RNF145: variants seen among roughly 807,000 people sequenced by gnomAD.
RNF145 encodes the protein ring finger protein 145.
In RNF145, 12 loss-of-function variants were observed where a neutral mutation model predicts 57.3. The observed-to-expected ratio is 0.21, with a 90% CI of 0.13 to 0.34. The LOEUF is 0.34. Ranked by LOEUF, RNF145 falls within the 10% of genes least tolerant of loss-of-function variation. The pLI is 1.00. For missense variants in RNF145, 429 were observed against 799.0 expected (o/e 0.54, Z 5.58); for synonymous variants, 262 against 288.3 (o/e 0.91, Z 0.92).
chr5:159,174,143 C>CAT lies in RNF145; in HGVS notation c.635_636dup (p.Gly213MetfsTer15), dbSNP rs1453936703. ...AGGGACATTCCCAAGGCGAGAAGGC[C>CAT]ATATACCTCCACTACCTAAATAAAA... On this transcript the variant is annotated frameshift_variant, in exon 6 of 11. Coordinates refer to ENST00000424310, the MANE Select transcript of RNF145 (RefSeq NM_001199383.2). LOFTEE classifies it high-confidence loss of function. 1 of 1,608,338 alleles carries CAT rather than the reference C, an allele frequency of 6.2e-7. No individual in the cohort carries two copies. The highest frequency in any genetic ancestry group is 8.5e-7 in the Non-Finnish European group (1 of 1,177,662).
intron 3 of RNF145, among the ~76,000 whole-genome samples, chr5:159,190,229 TCACCATGTTGC>T (rs1236859070): frequency 2.6e-5 from 4 of 152,154 alleles, no homozygotes; most frequent in Admixed American, 2.0e-4. Context: ...AGAAGGGGTT[TCACCATGTTGC>T]CCAGGCTGGT....
intron 3 of RNF145, among the ~76,000 whole-genome samples, chr5:159,190,236 G>A (rs1785241295): frequency 6.6e-6 from 1 of 152,120 alleles, no homozygotes; most frequent in South Asian, 2.1e-4. Flanking sequence ...GTTTCACCAT[G>A]TTGCCCAGGC....
intron 1 of RNF145, among the ~76,000 whole-genome samples, chr5:159,204,014 T>G (rs1033109043): frequency 5.9e-5 from 9 of 152,236 alleles, no homozygotes; most frequent in African/African-American, 2.2e-4. Flanking sequence ...AACTATGATT[T>G]ATGTAGCTCA....
At chr5:159,186,757 AT>A (rs1386575275) in intron 3 of RNF145, among the ~76,000 whole-genome samples, 1 of 152,168 alleles carries the variant, frequency 6.6e-6, no homozygotes, top group African/African-American at 2.4e-5. Flanking sequence ...GAGTGCCTGT[AT>A]TTGATAATGT....
intron 7 of RNF145, among the ~76,000 whole-genome samples, chr5:159,169,262 G>A (rs1345810819): frequency 1.3e-5 from 2 of 152,118 alleles, no homozygotes; most frequent in Non-Finnish European, 2.9e-5. Flanking sequence ...AGGCATAATA[G>A]CTATTACTTT....
At chr5:159,165,264 C>G (rs1436261310) in intron 8 of RNF145, among the ~76,000 whole-genome samples, 1 of 152,192 alleles carries the variant, frequency 6.6e-6, no homozygotes, top group African/African-American at 2.4e-5. Context: ...GCCCCTCTGC[C>G]CCACGAAACC....
intron 3 of RNF145, among the ~76,000 whole-genome samples, chr5:159,186,438 C>T (rs1384055987): frequency 6.6e-6 from 1 of 152,204 alleles, no homozygotes; most frequent in African/African-American, 2.4e-5. Flanking sequence ...ACAACTTGTA[C>T]ATTCTGGCTA....
intron 3 of RNF145, among the ~76,000 whole-genome samples, chr5:159,182,328 G>C (rs997600696): frequency 6.6e-6 from 1 of 151,820 alleles, no homozygotes; most frequent in Non-Finnish European, 1.5e-5. Context: ...AATATTTTAT[G>C]CCCAGTAAAA....
At chr5:159,183,202 TATTA>T (rs1390318764) in intron 3 of RNF145, among the ~76,000 whole-genome samples, 4 of 152,192 alleles carry the variant, frequency 2.6e-5, no homozygotes, top group Admixed American at 2.0e-4. Flanking sequence ...ACACATAATG[TATTA>T]ATTGTCTCTT....
intron 5 of RNF145, among the ~76,000 whole-genome samples, chr5:159,175,226 C>T (rs1171528903): frequency 6.6e-6 from 1 of 152,098 alleles, no homozygotes; most frequent in Non-Finnish European, 1.5e-5. Context: ...CAACTAGCTG[C>T]AAAATTATTA....
intron 5 of RNF145, 91 bp from the exon 6 acceptor site, chr5:159,174,249 T>C: frequency 1.2e-6 from 1 of 837,520 alleles, no homozygotes; most frequent in Non-Finnish European, 1.8e-6. Flanking sequence ...AAATATTAAA[T>C]AGCTTTTCTT....
intron 3 of RNF145, among the ~76,000 whole-genome samples, chr5:159,192,234 T>C (rs914673506): frequency 6.6e-6 from 1 of 152,166 alleles, no homozygotes; most frequent in African/African-American, 2.4e-5. Context: ...ATACTATCAG[T>C]ATTTGAGCAT....
chr5:159,197,480 C>T (rs765182026), intron 2 of RNF145, among the ~76,000 whole-genome samples: 2 of 152,182 alleles, frequency 1.3e-5, no homozygotes, highest in Non-Finnish European at 2.9e-5. Flanking sequence ...CACCATTGCT[C>T]ATCTATACCC....
chr5:159,199,993 A>C (rs189153955), intron 2 of RNF145, among the ~76,000 whole-genome samples: 18 of 152,218 alleles, frequency 1.2e-4, no homozygotes, highest in African/African-American at 4.1e-4. Context: ...AAGGGGGAAA[A>C]ACTCCCACTT....
At chr5:159,183,844 T>C (rs1035822550) in intron 3 of RNF145, among the ~76,000 whole-genome samples, 6 of 151,946 alleles carry the variant, frequency 3.9e-5, no homozygotes, top group Non-Finnish European at 1.5e-5. Context: ...GAGATGAGAG[T>C]AACGGCTTAA....
At chr5:159,204,624 T>C (rs995387282) in intron 1 of RNF145, among the ~76,000 whole-genome samples, 2 of 151,796 alleles carry the variant, frequency 1.3e-5, no homozygotes. Context: ...GCCAATATGG[T>C]GAAACTCCGT....
rs1400551558 is a variant in RNF145, at chr5:159,209,528, T to G, written c.-337A>C. On this transcript the variant is annotated 5_prime_UTR_variant, in exon 1 of 11. Transcript: ENST00000424310. ...GTCGGCGGCCATGGCCTCCTGCGTT[T>G]GCTCCTCCCGCCCCCGGCGCTCTGC... is the stretch of plus-strand genomic sequence containing the variant. 15 of 251,224 alleles carry G rather than the reference T, an allele frequency of 6.0e-5. No homozygotes were observed. Among genetic ancestry groups the G allele is most frequent in the Non-Finnish European group, 7.4e-5 (15 of 201,878 alleles). 15.6% of individuals were successfully genotyped at this position (251,224 alleles called of 1,614,324 possible). A position where few individuals can be genotyped will look rare whatever the true frequency, so the allele number is the denominator to read the frequency against.
intron 2 of RNF145, among the ~76,000 whole-genome samples, chr5:159,198,954 C>A (rs113620203): frequency 1.3e-5 from 2 of 151,998 alleles, no homozygotes; most frequent in South Asian, 4.2e-4. Context: ...CTCCAACCTG[C>A]GCAAGAGTGA....
At chr5:159,159,851 T>C (rs1034336941) in intron 10 of RNF145, among the ~76,000 whole-genome samples, 2 of 152,196 alleles carry the variant, frequency 1.3e-5, no homozygotes, top group Non-Finnish European at 2.9e-5. Context: ...GAATCAACCA[T>C]TAATTTTGTT....
Sources: allele counts gnomAD v4.1 joint callset (sites outside exome capture counted in the v4.1 genomes callset), GRCh38; gene constraint gnomAD v4.1.1; transcripts MANE v1.5; gene names NCBI Gene and HGNC (gene_info 2026-07-23, HGNC 2026-07-21).